Variants in SH3PXD2A observed in about 807,000 individuals in gnomAD.
SH3PXD2A encodes SH3 and PX domain-containing protein 2A.
A neutral mutation model predicts 115.2 loss-of-function variants in SH3PXD2A; 32 were observed. The observed-to-expected ratio is 0.28, with a 90% CI of 0.21 to 0.37. The LOEUF (loss-of-function observed/expected upper bound fraction) is 0.37. Among genes scored for constraint, SH3PXD2A ranks in the 10% least tolerant of loss-of-function variants. The pLI is 1.00. For synonymous variants in SH3PXD2A, 610 were observed against 629.1 expected, an observed-to-expected ratio of 0.97 and a Z score of 0.45; for missense variants, 1,328 against 1,498.7, an observed-to-expected ratio of 0.89 and a Z score of 1.88.
In SH3PXD2A at chr10:103,603,246, G is replaced by A. The variant is rs2036247514; in HGVS notation, c.1972C>T (p.Pro658Ser). The stretch of plus-strand genomic sequence containing the variant: ...GATGACTTGGGGGAGCCTGATTTGG[G>A]GGAGTTTTTCCTGGTCAGGGACAGC... ...SSLSLTRKNS[P>S]KSGSPKSSSL... Residue 658 changes from proline to serine, a missense_variant, in exon 15 of 15, where the codon CCC becomes TCC. Physicochemically the swap from Pro to Ser is moderately conservative, Grantham distance 74. This residue lies in a region of SH3PXD2A where 574 missense variants were observed against 565.7 expected (regional missense o/e 1.01). Transcript: ENST00000369774. 6.2e-7 allele frequency: 1 copy of A among 1,613,960 alleles called. No homozygotes were observed. The highest frequency in any genetic ancestry group is 2.2e-5 in the East Asian group (1 of 44,880).
intron 2 of SH3PXD2A, among the ~76,000 whole-genome samples, chr10:103,781,149 T>C (rs192439797): frequency 6.6e-6 from 1 of 152,354 alleles, no homozygotes; most frequent in Admixed American, 6.5e-5. Flanking sequence ...GTGAGCTTCT[T>C]GAAAGTCATG....
At chr10:103,621,222 G>A (rs979532553) in intron 10 of SH3PXD2A, among the ~76,000 whole-genome samples, 6 of 152,156 alleles carry the variant, frequency 3.9e-5, no homozygotes, top group African/African-American at 7.2e-5. Context: ...ACCTTCATCC[G>A]TGCCATGCAT....
intron 1 of SH3PXD2A, among the ~76,000 whole-genome samples, chr10:103,821,071 T>C (rs1259802380): frequency 1.3e-5 from 2 of 151,708 alleles, no homozygotes; most frequent in South Asian, 2.1e-4. Context: ...GAGGATTAAA[T>C]GGGATAATGC....
intron 6 of SH3PXD2A, among the ~76,000 whole-genome samples, chr10:103,688,012 C>T (rs1315799448): frequency 6.6e-6 from 1 of 152,180 alleles, no homozygotes; most frequent in East Asian, 1.9e-4. Flanking sequence ...TTCTATATAG[C>T]TCATCACCCA....
intron 9 of SH3PXD2A, among the ~76,000 whole-genome samples, chr10:103,623,572 TGGGAAAG>T (rs1429469560): frequency 2.0e-5 from 3 of 152,010 alleles, no homozygotes; most frequent in East Asian, 3.9e-4. Flanking sequence ...ACCGAGGCCC[TGGGAAAG>T]CATTTGCTTT....
intron 9 of SH3PXD2A, among the ~76,000 whole-genome samples, chr10:103,625,037 C>T (rs1564847268): frequency 6.6e-6 from 1 of 152,192 alleles, no homozygotes; most frequent in Non-Finnish European, 1.5e-5. Context: ...CACACCCACC[C>T]CCCACACACA....
intron 9 of SH3PXD2A, among the ~76,000 whole-genome samples, chr10:103,623,330 C>T (rs2036639243): frequency 6.6e-6 from 1 of 152,074 alleles, no homozygotes; most frequent in African/African-American, 2.4e-5. Context: ...CTGCACTGCT[C>T]CTCTGGTGGC....
Position 103,766,945 on chromosome 10 carries a change from CT to C in SH3PXD2A, c.229+148del, listed in dbSNP as rs2038761004. On this transcript the variant is annotated intron_variant, in intron 3 of 14. Coordinates refer to ENST00000369774, the MANE Select transcript of SH3PXD2A (RefSeq NM_001394015.1). The stretch of plus-strand genomic sequence containing the variant: ...GGACAGTGGACTTCACAGTCTGGAG[CT>C]TCCAAATCCCCTGGGGGAATTGTTC... 3 of 612,996 alleles carry C rather than the reference CT, an allele frequency of 4.9e-6. No individual in the cohort carries two copies. In the East Asian group the frequency reaches 8.6e-5, roughly 18 times the overall value. The allele number at this position is 612,996 out of a possible 1,614,324, so 38.0% of individuals were successfully genotyped here.
At chr10:103,659,693 T>G (rs2037262689) in intron 8 of SH3PXD2A, among the ~76,000 whole-genome samples, 1 of 152,076 alleles carries the variant, frequency 6.6e-6, no homozygotes, top group Non-Finnish European at 1.5e-5. Flanking sequence ...TGGTGATGAC[T>G]CCAGGCACAA....
intron 1 of SH3PXD2A, among the ~76,000 whole-genome samples, chr10:103,847,290 G>A (rs757494981): frequency 6.6e-6 from 1 of 151,768 alleles, no homozygotes; most frequent in Non-Finnish European, 1.5e-5. Context: ...GACTACAGGT[G>A]TTCATCACGA....
intron 6 of SH3PXD2A, among the ~76,000 whole-genome samples, chr10:103,676,876 GTCCTCCCTCACTTACTGGGAGA>G (rs1422018368): frequency 6.6e-6 from 1 of 152,140 alleles, no homozygotes; most frequent in Admixed American, 6.5e-5. Flanking sequence ...TGCCTTGGTG[GTCCTCCCTCACTTACTGGGAGA>G]TCCTCCCTCC....
chr10:103,702,474 GA>G (rs1289105332), intron 5 of SH3PXD2A, among the ~76,000 whole-genome samples: 2 of 152,190 alleles, frequency 1.3e-5, no homozygotes, highest in Non-Finnish European at 2.9e-5. Flanking sequence ...TGGGGCACTA[GA>G]GCTAGCCCTT....
At chr10:103,661,175 G>GC in intron 7 of SH3PXD2A, 61 bp from the exon 8 acceptor site, 1 of 1,578,584 alleles carries the variant, frequency 6.3e-7, no homozygotes, top group Non-Finnish European at 8.6e-7. Flanking sequence ...CGGCCAGGGC[G>GC]CCCCCTGTCC....
At chr10:103,711,898 T>C (rs977649747) in intron 5 of SH3PXD2A, among the ~76,000 whole-genome samples, 3 of 151,750 alleles carry the variant, frequency 2.0e-5, no homozygotes, top group African/African-American at 7.3e-5. Context: ...CTACAAAAAA[T>C]AAAAATAAAA....
chr10:103,606,065 G>T, intron 13 of SH3PXD2A, 148 bp from the exon 14 acceptor site: 1 of 707,858 alleles, frequency 1.4e-6, no homozygotes, highest in Non-Finnish European at 2.4e-6. Context: ...TATCTATCAT[G>T]GGAGTCTCAG....
chr10:103,663,597 A>G (rs1391042330), intron 7 of SH3PXD2A, among the ~76,000 whole-genome samples: 1 of 152,206 alleles, frequency 6.6e-6, no homozygotes, highest in Admixed American at 6.5e-5. Context: ...TTGGTCTGGG[A>G]CTCAGGCATG....
In SH3PXD2A at chr10:103,602,404, G is replaced by A. The variant is rs201329561; in HGVS notation, c.2814C>T (p.Thr938=). The A allele has an allele frequency of 3.7e-5, 59 of 1,614,062 alleles. No individual in the cohort carries two copies. The highest frequency in any genetic ancestry group is 1.6e-4 in the Middle Eastern group (1 of 6,062). Residue 938 remains threonine, a synonymous_variant, in exon 15 of 15, where the codon ACC becomes ACT. Coordinates refer to ENST00000369774, the MANE Select transcript of SH3PXD2A (RefSeq NM_001394015.1). ...GCGTGGCCTTCTTGCTCTGGTTGAC[G>A]GTGTTCAGTGCTTGGACGCGCCTCT... The part of the protein sequence containing the change: ...KIERRVQALN[T]VNQSKKATPP...
At chr10:103,824,364 G>A (rs915121902) in intron 1 of SH3PXD2A, among the ~76,000 whole-genome samples, 30 of 152,168 alleles carry the variant, frequency 2.0e-4, no homozygotes, top group African/African-American at 7.0e-4. Context: ...TTTATTTGGA[G>A]GAATGCTGAA....
chr10:103,716,573 G>A (rs1047503953), intron 5 of SH3PXD2A, among the ~76,000 whole-genome samples: 1 of 152,238 alleles, frequency 6.6e-6, no homozygotes. Flanking sequence ...AGCCCAGGGT[G>A]AGAGCAGGAA....
Sources: allele counts gnomAD v4.1 joint callset (sites outside exome capture counted in the v4.1 genomes callset), GRCh38; gene constraint gnomAD v4.1.1; regional missense constraint gnomAD v4.1.1; transcripts MANE v1.5; gene names NCBI Gene and HGNC (gene_info 2026-07-23, HGNC 2026-07-21).